Variants in SEMA3A observed in about 807,000 individuals in gnomAD.
SEMA3A encodes the protein semaphorin 3A.
In SEMA3A, 29 loss-of-function variants were observed where a neutral mutation model predicts 97.9. The observed-to-expected ratio is 0.30, with a 90% CI of 0.22 to 0.40. The LOEUF is 0.40. Among genes scored for constraint, SEMA3A ranks in the 10% least tolerant of loss-of-function variants. The probability of loss-of-function intolerance (pLI) is 1.00; values close to 1 mark genes in which losing one functional copy is unlikely to be tolerated. For missense variants in SEMA3A, 763 were observed against 951.3 expected, an observed-to-expected ratio of 0.80 and a Z score of 2.60; for synonymous variants, 321 against 323.7, an observed-to-expected ratio of 0.99 and a Z score of 0.09.
chr7:84,250,374 T>C (rs1391522306), intron 3 of SEMA3A, among the ~76,000 whole-genome samples: 4 of 152,174 alleles, frequency 2.6e-5, no homozygotes, highest in East Asian at 1.9e-4. Context: ...CCTTTGTGGC[T>C]ACTGTGCAAG....
At chr7:84,282,847 C>G (rs1252397430) in intron 3 of SEMA3A, among the ~76,000 whole-genome samples, 2 of 151,904 alleles carry the variant, frequency 1.3e-5, no homozygotes, top group Non-Finnish European at 2.9e-5. Flanking sequence ...AATCCAGTCT[C>G]TACTAAAAAT....
Position 84,126,402 on chromosome 7 carries a change from C to T in SEMA3A, c.333+2721G>A, listed in dbSNP as rs201973953. On this transcript the variant is annotated intron_variant, in intron 3 of 16. Coordinates refer to ENST00000265362, the MANE Select transcript of SEMA3A (RefSeq NM_006080.3). ...TGTATTTTTAGTAAAGATGGGGCTT[C>T]ACCATGTTGGCCAGGCTGGCCTCGA... 2.4e-4 allele frequency among the ~76,000 whole-genome samples: 37 copies of T among 152,140 alleles called. 1 individual carries two copies. In the East Asian group the frequency reaches 4.3e-3, roughly 18 times the overall value.
chr7:84,448,036 C>T (rs1223651852), intron 1 of SEMA3A, among the ~76,000 whole-genome samples: 1 of 152,202 alleles, frequency 6.6e-6, no homozygotes, highest in Non-Finnish European at 1.5e-5. Flanking sequence ...CCCGGTGTGC[C>T]TGGCTGTGGT....
intron 1 of SEMA3A, among the ~76,000 whole-genome samples, chr7:84,154,396 C>T (rs969250914): frequency 2.6e-5 from 4 of 151,810 alleles, no homozygotes; most frequent in Non-Finnish European, 5.9e-5. Context: ...CAGGTGATGA[C>T]GCCGGGTACG....
intron 15 of SEMA3A, among the ~76,000 whole-genome samples, chr7:83,966,788 G>A (rs1030163101): frequency 2.0e-5 from 3 of 151,310 alleles, no homozygotes; most frequent in Middle Eastern, 3.2e-3. Context: ...CTCGGCTCAC[G>A]GCAACCTCCG....
At chr7:84,312,626 A>C (rs935860254) in intron 2 of SEMA3A, among the ~76,000 whole-genome samples, 2 of 150,920 alleles carry the variant, frequency 1.3e-5, no homozygotes, top group Admixed American at 1.3e-4. Context: ...AATACAAAAT[A>C]CATATTCACA....
intron 16 of SEMA3A, among the ~76,000 whole-genome samples, chr7:83,962,512 T>C (rs1788512458): frequency 6.6e-6 from 1 of 152,174 alleles, no homozygotes; most frequent in Non-Finnish European, 1.5e-5. Context: ...AGTTTTTACC[T>C]TTAACATCAT....
intron 1 of SEMA3A, among the ~76,000 whole-genome samples, chr7:84,455,832 T>C (rs1431822910): frequency 1.8e-4 from 27 of 151,890 alleles, no homozygotes; most frequent in East Asian, 3.9e-4. Flanking sequence ...GGGAAAAAAT[T>C]AGAAAAAGAT....
At chr7:84,326,821 C>T (rs553178478) in intron 2 of SEMA3A, among the ~76,000 whole-genome samples, 3 of 151,964 alleles carry the variant, frequency 2.0e-5, no homozygotes, top group South Asian at 2.1e-4. Flanking sequence ...AAAATTAACT[C>T]GAGATTGATT....
At chr7:84,469,090 A>G (rs899760554) in intron 1 of SEMA3A, among the ~76,000 whole-genome samples, 8 of 152,168 alleles carry the variant, frequency 5.3e-5, no homozygotes, top group African/African-American at 1.9e-4. Flanking sequence ...AAAGCATGCC[A>G]CGTGTTTTAA....
chr7:84,091,079 TGAAA>T (rs1304255982), intron 4 of SEMA3A, among the ~76,000 whole-genome samples: 1 of 90,944 alleles, frequency 1.1e-5, no homozygotes, highest in Non-Finnish European at 2.3e-5. Flanking sequence ...CAACTCAAAA[TGAAA>T]GAAAGAAGGA....
chr7:84,071,772 G>T (rs1459551574), intron 4 of SEMA3A, among the ~76,000 whole-genome samples: 1 of 151,868 alleles, frequency 6.6e-6, no homozygotes, highest in East Asian at 1.9e-4. Context: ...TTTTTTAAAG[G>T]TGAGGGACAA....
At chr7:84,161,782 T>C (rs1236970917) in intron 1 of SEMA3A, among the ~76,000 whole-genome samples, 1 of 152,168 alleles carries the variant, frequency 6.6e-6, no homozygotes, top group Admixed American at 6.5e-5. Context: ...AAATATATGC[T>C]CAAAATGTGA....
intron 4 of SEMA3A, among the ~76,000 whole-genome samples, chr7:84,068,062 G>A (rs1330701408): frequency 8.2e-6 from 1 of 121,818 alleles, no homozygotes; most frequent in Non-Finnish European, 1.6e-5. Context: ...AGAAAATGTG[G>A]CACATATACA....
chr7:83,972,250 G>A (rs758244829), intron 15 of SEMA3A, among the ~76,000 whole-genome samples: 4 of 151,752 alleles, frequency 2.6e-5, no homozygotes, highest in Non-Finnish European at 5.9e-5. Context: ...TGGCTTCAAA[G>A]TTAACTTTGA....
At chr7:84,444,224 C>T (rs1043332227) in intron 1 of SEMA3A, among the ~76,000 whole-genome samples, 8 of 151,998 alleles carry the variant, frequency 5.3e-5, no homozygotes, top group East Asian at 3.9e-4. Flanking sequence ...GGTAAAGATA[C>T]GTTTTATTTT....
chr7:84,376,446 A>T (rs555632), intron 1 of SEMA3A, among the ~76,000 whole-genome samples: 6,110 of 141,072 alleles, frequency 0.043, 924 homozygotes, highest in East Asian at 0.25. Context: ...ACTAAAAAAC[A>T]CAAAAAAATT....
intron 2 of SEMA3A, among the ~76,000 whole-genome samples, chr7:84,336,032 G>C (rs960546921): frequency 6.6e-6 from 1 of 151,906 alleles, no homozygotes; most frequent in Admixed American, 6.6e-5. Context: ...TATAATATTG[G>C]ACAAGACAGG....
chr7:84,058,154 C>T (rs1793068947), intron 5 of SEMA3A, among the ~76,000 whole-genome samples: 1 of 152,174 alleles, frequency 6.6e-6, no homozygotes. Flanking sequence ...TTGAGCCCAA[C>T]CTGAAATTTT....
Sources: allele counts gnomAD v4.1 joint callset (sites outside exome capture counted in the v4.1 genomes callset), GRCh38; gene constraint gnomAD v4.1.1; transcripts MANE v1.5; gene names NCBI Gene and HGNC (gene_info 2026-07-23, HGNC 2026-07-21).